Variants in PDE1A observed in about 807,000 individuals in gnomAD.
The protein encoded by PDE1A is phosphodiesterase 1A, also known as dual specificity calcium/calmodulin-dependent 3',5'-cyclic nucleotide phosphodiesterase 1A.
In PDE1A, 35 loss-of-function variants were observed where a neutral mutation model predicts 61.7. That is an observed-to-expected ratio of 0.57 (90% CI 0.43 to 0.75). The LOEUF (loss-of-function observed/expected upper bound fraction) is 0.75. Ranked by LOEUF, PDE1A falls within the 30% of genes least tolerant of loss-of-function variation. The probability of loss-of-function intolerance (pLI) is 0.00; values close to 1 mark genes in which losing one functional copy is unlikely to be tolerated. For synonymous variants in PDE1A, 232 were observed against 213.2 expected (o/e 1.09, Z -0.77); for missense variants, 597 against 630.6 (o/e 0.95, Z 0.57).
intron 1 of PDE1A, among the ~76,000 whole-genome samples, chr2:182,305,537 T>C (rs1185320739): frequency 1.3e-5 from 2 of 152,174 alleles, no homozygotes; most frequent in Non-Finnish European, 2.9e-5. Flanking sequence ...CAGTACTGTA[T>C]GCCTCTGAAT....
chr2:182,331,757 C>T (rs1337148627), intron 1 of PDE1A, among the ~76,000 whole-genome samples: 1 of 152,162 alleles, frequency 6.6e-6, no homozygotes, highest in Non-Finnish European at 1.5e-5. Flanking sequence ...GTAACCCGAC[C>T]TTTCTTTCTG....
intron 2 of PDE1A, among the ~76,000 whole-genome samples, chr2:182,448,799 C>T (rs1182331320): frequency 6.6e-6 from 1 of 151,788 alleles, no homozygotes; most frequent in Non-Finnish European, 1.5e-5. Context: ...TACTGTGATT[C>T]CGTTTTTAGC....
intron 1 of PDE1A, among the ~76,000 whole-genome samples, chr2:182,386,336 C>T (rs554596055): frequency 2.4e-4 from 36 of 151,978 alleles, no homozygotes; most frequent in East Asian, 3.9e-4. Flanking sequence ...CCCCTCTGCC[C>T]GGCTGCCCAG....
chr2:182,678,162 C>T, the PDE1A span, among the ~76,000 whole-genome samples: 3 of 152,218 alleles, frequency 2.0e-5, no homozygotes, highest in East Asian at 1.9e-4. Context: ...CAGTGGCTCA[C>T]GCCTGTAATC....
intron 1 of PDE1A, chr2:182,314,309 C>T (rs548737348): frequency 6.6e-6 from 1 of 152,150 alleles, no homozygotes; most frequent in Admixed American, 6.5e-5. Flanking sequence ...TTCCTGTAGT[C>T]CCAGCTACTT....
At chr2:182,464,378 C>A (rs926615949) in intron 2 of PDE1A, among the ~76,000 whole-genome samples, 3 of 151,866 alleles carry the variant, frequency 2.0e-5, no homozygotes, top group Non-Finnish European at 4.4e-5. Context: ...AAATTTACAG[C>A]CAAAAAGCAG....
intron 2 of PDE1A, among the ~76,000 whole-genome samples, chr2:182,515,881 G>A (rs946307145): frequency 6.6e-6 from 1 of 152,022 alleles, no homozygotes; most frequent in Admixed American, 6.6e-5. Context: ...TAAGAATAAA[G>A]AGTATCTGAA....
chr2:182,149,132 G>T lies in PDE1A; in HGVS notation c.1517-1980C>A, dbSNP rs538146008. Among the ~76,000 whole-genome samples, 97 of 152,140 alleles carry T rather than the reference G, an allele frequency of 6.4e-4. 1 individual carries two copies. Among genetic ancestry groups the T allele is most frequent in the African/African-American group, 2.2e-3 (91 of 41,538 alleles). On this transcript the variant is annotated intron_variant, in intron 13 of 13. Transcript: ENST00000409365. The stretch of plus-strand genomic sequence containing the variant: ...GAACAGAACAGAACAGTCTAGAATA[G>T]AACAGAACATAGTAAAAAGAACAGA...
At chr2:182,405,088 T>C (rs1184794607) in intron 1 of PDE1A, among the ~76,000 whole-genome samples, 2 of 152,226 alleles carry the variant, frequency 1.3e-5, no homozygotes, top group African/African-American at 4.8e-5. Context: ...TCACATATGA[T>C]GGCTACCATG....
intron 5 of PDE1A, 98 bp downstream of exon 5, chr2:182,230,917 C>G (rs1689525265): frequency 4.4e-6 from 3 of 689,490 alleles, no homozygotes; most frequent in East Asian, 2.5e-5. Context: ...CTAAAACATC[C>G]TAAAATGAAT....
chr2:182,489,300 A>G (rs1214806185), intron 2 of PDE1A, among the ~76,000 whole-genome samples: 1 of 152,220 alleles, frequency 6.6e-6, no homozygotes, highest in African/African-American at 2.4e-5. Flanking sequence ...TGAAGTTAAA[A>G]AGATGGAAGA....
At chr2:182,537,740 T>A in the PDE1A span, among the ~76,000 whole-genome samples, 1 of 151,946 alleles carries the variant, frequency 6.6e-6, no homozygotes, top group African/African-American at 2.4e-5. Context: ...AAATAAAAAC[T>A]TCCTGAGGCT....
At chr2:182,409,659 A>G (rs1702499634) in intron 1 of PDE1A, among the ~76,000 whole-genome samples, 1 of 152,214 alleles carries the variant, frequency 6.6e-6, no homozygotes, top group Non-Finnish European at 1.5e-5. Flanking sequence ...TTCCATTCAT[A>G]GCAATTGAAT....
chr2:182,515,627 T>C (rs1456622843), intron 2 of PDE1A, among the ~76,000 whole-genome samples: 1 of 152,222 alleles, frequency 6.6e-6, no homozygotes, highest in Non-Finnish European at 1.5e-5. Context: ...GTGGTTTTCT[T>C]CAAAACAAAT....
intron 10 of PDE1A, among the ~76,000 whole-genome samples, chr2:182,192,821 T>C (rs1685814592): frequency 1.3e-5 from 2 of 152,140 alleles, no homozygotes; most frequent in African/African-American, 4.8e-5. Context: ...TGAAAGTCTG[T>C]AAGAGAACTA....
At chr2:182,274,980 ATAC>A (rs1369984696) in intron 1 of PDE1A, among the ~76,000 whole-genome samples, 1 of 152,146 alleles carries the variant, frequency 6.6e-6, no homozygotes, top group Non-Finnish European at 1.5e-5. Flanking sequence ...AAAAAATGAA[ATAC>A]TACTAAATAA....
At chr2:182,398,316 A>G (rs2125431484) in intron 1 of PDE1A, among the ~76,000 whole-genome samples, 1 of 152,046 alleles carries the variant, frequency 6.6e-6, no homozygotes, top group South Asian at 2.1e-4. Flanking sequence ...ATATACAACT[A>G]CTGATCTCTT....
At chr2:182,160,701 T>G (rs959365871) in intron 13 of PDE1A, among the ~76,000 whole-genome samples, 1 of 152,156 alleles carries the variant, frequency 6.6e-6, no homozygotes, top group South Asian at 2.1e-4. Flanking sequence ...TACAAACTGC[T>G]TCTTCATCTT....
intron 1 of PDE1A, among the ~76,000 whole-genome samples, chr2:182,363,783 G>A (rs952562913): frequency 6.6e-6 from 1 of 152,048 alleles, no homozygotes; most frequent in African/African-American, 2.4e-5. Context: ...AGAAAGTAAT[G>A]CTACTACATT....
Sources: allele counts gnomAD v4.1 joint callset (sites outside exome capture counted in the v4.1 genomes callset), GRCh38; gene constraint gnomAD v4.1.1; transcripts MANE v1.5; gene names NCBI Gene and HGNC (gene_info 2026-07-23, HGNC 2026-07-21).